The following SDK2 variants were observed in gnomAD, a reference collection of about 807,000 sequenced individuals.
SDK2 encodes the protein sidekick cell adhesion molecule 2.
In SDK2, 105 loss-of-function variants were observed where a neutral mutation model predicts 253.9. The observed-to-expected ratio is 0.41, with a 90% CI of 0.35 to 0.49. The LOEUF is 0.49. SDK2 is among the 20% of genes least tolerant of loss of function. The probability of loss-of-function intolerance (pLI) is 0.06; values close to 1 mark genes in which losing one functional copy is unlikely to be tolerated. For synonymous variants in SDK2, 1,249 were observed against 1,234.9 expected, an observed-to-expected ratio of 1.01 and a Z score of -0.24; for missense variants, 2,608 against 3,003.0, an observed-to-expected ratio of 0.87 and a Z score of 3.07.
intron 2 of SDK2, among the ~76,000 whole-genome samples, chr17:73,482,333 C>A (rs2063731104): frequency 6.6e-6 from 1 of 152,048 alleles, no homozygotes; most frequent in African/African-American, 2.4e-5. Context: ...TAGGGCTGAG[C>A]AGGGCAGGAT....
chr17:73,448,642 G>A (rs1373028472), intron 4 of SDK2, among the ~76,000 whole-genome samples: 2 of 151,598 alleles, frequency 1.3e-5, no homozygotes, highest in Non-Finnish European at 2.9e-5. Flanking sequence ...GGGATTACAG[G>A]CGTGAGCCAC....
At chr17:73,348,479 G>T (rs1398452158) in intron 44 of SDK2, 120 bp downstream of exon 44, 12 of 1,254,446 alleles carry the variant, frequency 9.6e-6, no homozygotes, top group Non-Finnish European at 1.2e-5. Flanking sequence ...TGGTTTCTTG[G>T]GCCCCTTAAT....
intron 1 of SDK2, among the ~76,000 whole-genome samples, chr17:73,539,995 T>G (rs1001066091): frequency 1.4e-5 from 2 of 140,648 alleles, no homozygotes; most frequent in East Asian, 2.2e-4. Context: ...GTACCCAGGA[T>G]GGGCAGCCCC....
chr17:73,384,300 C>T (rs1456826980), intron 32 of SDK2, among the ~76,000 whole-genome samples: 1 of 152,140 alleles, frequency 6.6e-6, no homozygotes, highest in African/African-American at 2.4e-5. Context: ...GATCACAGAG[C>T]ATCATTGGGG....
At position 73,413,552 on chromosome 17, in the gene SDK2, A is replaced by C. The variant is rs932757957; in HGVS notation, c.2484+1092T>G. Among the ~76,000 whole-genome samples the C allele has an allele frequency of 5.9e-5, 9 of 152,172 alleles. 1 individual carries two copies. The highest frequency in any genetic ancestry group is 3.9e-4 in the Admixed American group (6 of 15,266). ...TGGGGACTGTTGCTTTAAGCAATCC[A>C]GTCTGTGGTACTTGGTTATAGCAGC... On this transcript the variant is annotated intron_variant, in intron 18 of 44. Coordinates refer to ENST00000392650, the MANE Select transcript of SDK2 (RefSeq NM_001144952.2).
chr17:73,443,252 C>G lies in SDK2; in HGVS notation c.614-2329G>C, dbSNP rs998287386. 6.6e-6 allele frequency among the ~76,000 whole-genome samples: 1 copy of G among 151,814 alleles called. No individual in the cohort carries two copies. Among genetic ancestry groups the G allele is most frequent in the African/African-American group, 2.4e-5 (1 of 41,270 alleles). ...TGCTAGAAAAGGCCCAGGAAGAATG[C>G]GCATAAAATGTAAAAAATAAAGTAA... On this transcript the variant is annotated intron_variant, in intron 5 of 44. Coordinates refer to ENST00000392650, the MANE Select transcript of SDK2 (RefSeq NM_001144952.2). The surrounding 1 kb of genome is among the most constrained non-coding windows in gnomAD (Gnocchi z 4.6).
chr17:73,467,111 C>T lies in SDK2; in HGVS notation c.331+5001G>A, dbSNP rs752675573. Among the ~76,000 whole-genome samples, 10 of 152,090 alleles carry T rather than the reference C, an allele frequency of 6.6e-5. No homozygotes were observed. The highest frequency in any genetic ancestry group is 1.2e-4 in the Non-Finnish European group (8 of 68,012). ...TTGGTAGAGTCTACCCCACCCCACC[C>T]GCTGGCACTAGACATTCACCCTAGG... On this transcript the variant is annotated intron_variant, in intron 3 of 44. Transcript: ENST00000392650. This position sits in a 1 kb window ranked among gnomAD's most constrained non-coding sequence, Gnocchi z 4.1.
At chr17:73,346,211 GAAAAAA>G (rs966595517) in intron 44 of SDK2, among the ~76,000 whole-genome samples, 1 of 112,016 alleles carries the variant, frequency 8.9e-6, no homozygotes, top group Non-Finnish European at 1.9e-5. Context: ...TCCGTCTCAA[GAAAAAA>G]AAAAAAAAAG....
rs2063356330 is a variant in SDK2, at chr17:73,435,035, G to A, written c.1195+415C>T. Among the ~76,000 whole-genome samples, 1 of 152,204 alleles carries A rather than the reference G, an allele frequency of 6.6e-6. No homozygotes were observed. The highest frequency in any genetic ancestry group is 1.5e-5 in the Non-Finnish European group (1 of 68,038). On this transcript the variant is annotated intron_variant, in intron 9 of 44. Coordinates refer to ENST00000392650, the MANE Select transcript of SDK2 (RefSeq NM_001144952.2). The surrounding 1 kb of genome is among the most constrained non-coding windows in gnomAD (Gnocchi z 5.7). ...AGGGCAGAAAGGGATTTGCGAGCAG[G>A]AGAACTAAGAGAAAAACACCAGTTT...
At chr17:73,440,774 G>C (rs2063409171) in intron 6 of SDK2, 38 bp downstream of exon 6, 1 of 1,437,328 alleles carries the variant, frequency 7.0e-7, no homozygotes, top group African/African-American at 1.4e-5. Flanking sequence ...AGCAGCTGGA[G>C]TTACGGGTGC....
rs2063611469 is a variant in SDK2, at chr17:73,467,613, G to A, written c.331+4499C>T. On this transcript the variant is annotated intron_variant, in intron 3 of 44. Transcript: ENST00000392650. The surrounding 1 kb of genome is among the most constrained non-coding windows in gnomAD (Gnocchi z 4.1). ...AGAGAGGGAGGCCCCCTGGGATGAG[G>A]CCAGTGTGTCCAGCAAGGGCATGAA... 2.0e-5 allele frequency among the ~76,000 whole-genome samples: 3 copies of A among 152,172 alleles called. No individual in the cohort carries two copies. In the South Asian group the frequency reaches 6.2e-4, roughly 32 times the overall value.
In SDK2 at chr17:73,398,406, C is replaced by T. The variant is rs147287702; in HGVS notation, c.3117G>A (p.Glu1039=). ...EAQVGVVGEG[E]EWLLIHQLSN... ...AGAGCTGGTGGATCAGCAACCACTC[C>T]TCTCCCTCCCCAACCACGCCTACCT... Residue 1039 remains glutamate, a synonymous_variant, in exon 23 of 45, where the codon GAG becomes GAA. Coordinates refer to ENST00000392650, the MANE Select transcript of SDK2 (RefSeq NM_001144952.2). 11 of 1,613,816 alleles carry T rather than the reference C, an allele frequency of 6.8e-6. No homozygotes were observed.
At chr17:73,405,766 C>G (rs1183048318) in intron 18 of SDK2, among the ~76,000 whole-genome samples, 1 of 150,242 alleles carries the variant, frequency 6.7e-6, no homozygotes, top group Non-Finnish European at 1.5e-5. Context: ...GTCGCCCAGG[C>G]TGGAGTGCAG....
At position 73,431,257 on chromosome 17, in the gene SDK2, T is replaced by C. The variant is rs544417622; in HGVS notation, c.1480+245A>G. ...AAAATATATGAAGGCAGCTCTCCTATAACTTCAATGTTCTCTCAAGTCGGC... is the reference window on the plus strand; with the variant it reads ...AAAATATATGAAGGCAGCTCTCCTACAACTTCAATGTTCTCTCAAGTCGGC... On this transcript the variant is annotated intron_variant, in intron 11 of 44. Coordinates refer to ENST00000392650, the MANE Select transcript of SDK2 (RefSeq NM_001144952.2). This position sits in a 1 kb window ranked among gnomAD's most constrained non-coding sequence, Gnocchi z 5.6. Among the ~76,000 whole-genome samples, 1 of 152,320 alleles carries C rather than the reference T, an allele frequency of 6.6e-6. No homozygotes were observed. The highest frequency in any genetic ancestry group is 2.1e-4 in the South Asian group (1 of 4,826).
At chr17:73,483,423 C>T (rs916218185) in intron 2 of SDK2, among the ~76,000 whole-genome samples, 2 of 146,562 alleles carry the variant, frequency 1.4e-5, no homozygotes, top group Non-Finnish European at 3.0e-5. Context: ...TCTCCTGCCT[C>T]AGCCTCCCGA....
intron 12 of SDK2, 126 bp downstream of exon 12, chr17:73,430,385 C>CCA: frequency 1.4e-6 from 1 of 698,526 alleles, no homozygotes; most frequent in Non-Finnish European, 2.5e-6. Context: ...TCTGGAAATG[C>CCA]CACTGCCCAG....
intron 2 of SDK2, among the ~76,000 whole-genome samples, chr17:73,475,431 C>T (rs1028205180): frequency 1.1e-4 from 16 of 152,224 alleles, no homozygotes; most frequent in Non-Finnish European, 2.1e-4. Flanking sequence ...GGATTACAGG[C>T]GTGAGCCATG....
In SDK2 at chr17:73,338,070, G is replaced by T. The variant is rs1170692247; in HGVS notation, c.*517C>A. ...TCCGATGCCTGCCAGCCACAGTGAT[G>T]GTGCATGGAGGGAAGGAGGAGCAGA... On this transcript the variant is annotated 3_prime_UTR_variant, in exon 45 of 45. Transcript: ENST00000392650. This position sits in a 1 kb window ranked among gnomAD's most constrained non-coding sequence, Gnocchi z 5.0. The T allele has an allele frequency of 1.9e-5, 4 of 205,560 alleles. No homozygotes were observed. Among genetic ancestry groups the T allele is most frequent in the Non-Finnish European group, 4.0e-5 (4 of 99,996 alleles). 12.7% of individuals were successfully genotyped at this position (205,560 alleles called of 1,614,324 possible). A position where few individuals can be genotyped will look rare whatever the true frequency, so the allele number is the denominator to read the frequency against.
rs1042241580 is a variant in SDK2 at position 73,352,716 on chromosome 17, C to A, written c.5594-79G>T. 1 of 1,458,112 alleles carries A rather than the reference C, an allele frequency of 6.9e-7. No homozygotes were observed. The highest frequency in any genetic ancestry group is 9.5e-7 in the Non-Finnish European group (1 of 1,055,954). The allele number at this position is 1,458,112 out of a possible 1,614,324, so 90.3% of individuals were successfully genotyped here. On this transcript the variant is annotated intron_variant, in intron 40 of 44. Coordinates refer to ENST00000392650, the MANE Select transcript of SDK2 (RefSeq NM_001144952.2). The surrounding 1 kb of genome is among the most constrained non-coding windows in gnomAD (Gnocchi z 4.1). ...CGCTCCCAGCCCCGTTCTGACTATG[C>A]TCCCTGAGGGCTGGGCCTGTTGGAT...
Sources: gnomAD v4.1 joint callset for allele counts (sites outside exome capture counted in the v4.1 genomes callset) on GRCh38, gnomAD v4.1.1 for gene constraint, Gnocchi (gnomAD v3.1) non-coding constraint, MANE v1.5 for transcripts, NCBI Gene and HGNC (gene_info 2026-07-23, HGNC 2026-07-21) for gene names.